Variants in SLC24A2 observed in about 807,000 individuals in gnomAD.
SLC24A2 encodes sodium/potassium/calcium exchanger 2.
Under a neutral mutation model 62.0 loss-of-function variants are expected in SLC24A2, and 36 were observed. That is an observed-to-expected ratio of 0.58 (90% CI 0.44 to 0.77). SLC24A2 has a LOEUF of 0.77. SLC24A2 is among the 30% of genes least tolerant of loss of function. The pLI is 0.00. For missense variants in SLC24A2, 846 were observed against 817.9 expected (o/e 1.03, Z -0.42); for synonymous variants, 358 against 294.0 (o/e 1.22, Z -2.23).
At chr9:19,742,620 G>T (rs1821713551) in intron 2 of SLC24A2, among the ~76,000 whole-genome samples, 1 of 152,066 alleles carries the variant, frequency 6.6e-6, no homozygotes, top group Non-Finnish European at 1.5e-5. Flanking sequence ...TGTATAATAA[G>T]TGGCAAAAGA....
At chr9:20,096,279 CTT>C in the SLC24A2 span, among the ~76,000 whole-genome samples, 1 of 152,116 alleles carries the variant, frequency 6.6e-6, no homozygotes, top group African/African-American at 2.4e-5. Context: ...AAGTGAGTCT[CTT>C]TTTATTTACT....
chr9:20,060,437 A>G, the SLC24A2 span, among the ~76,000 whole-genome samples: 1 of 152,198 alleles, frequency 6.6e-6, no homozygotes, highest in Non-Finnish European at 1.5e-5. Flanking sequence ...ACATATAAAA[A>G]GGATTATTAT....
chr9:19,513,303 G>A lies in SLC24A2; in HGVS notation c.*2850C>T, dbSNP rs1832801172. On this transcript the variant is annotated 3_prime_UTR_variant, in exon 11 of 11. Transcript: ENST00000341998. The stretch of plus-strand genomic sequence containing the variant: ...TATAATTATGCCAATGATTTGAATG[G>A]TTTAAAGACCCATTGTTGAACTCTG... 1 of 151,678 alleles carries A rather than the reference G, an allele frequency of 6.6e-6. No homozygotes were observed. The highest frequency in any genetic ancestry group is 6.6e-5 in the Admixed American group (1 of 15,186). 9.4% of individuals were successfully genotyped at this position (151,678 alleles called of 1,614,324 possible). A position where few individuals can be genotyped will look rare whatever the true frequency, so the allele number is the denominator to read the frequency against.
chr9:19,723,130 T>C (rs951182580), intron 2 of SLC24A2, among the ~76,000 whole-genome samples: 4 of 152,114 alleles, frequency 2.6e-5, no homozygotes, highest in African/African-American at 7.2e-5. Context: ...TGCACATGGA[T>C]CCATTTTAAA....
chr9:20,076,880 TAC>T, the SLC24A2 span, among the ~76,000 whole-genome samples: 17 of 120,554 alleles, frequency 1.4e-4, no homozygotes, highest in South Asian at 5.0e-4. Flanking sequence ...TATATATATA[TAC>T]ATATCATATG....
At chr9:19,528,529 A>G (rs1036817164) in intron 8 of SLC24A2, among the ~76,000 whole-genome samples, 6 of 152,082 alleles carry the variant, frequency 3.9e-5, no homozygotes, top group Admixed American at 2.6e-4. Flanking sequence ...GTTTGTCAGA[A>G]TCAGTTTCTA....
chr9:19,673,500 G>C (rs1267468660), intron 2 of SLC24A2, among the ~76,000 whole-genome samples: 1 of 152,082 alleles, frequency 6.6e-6, no homozygotes, highest in Non-Finnish European at 1.5e-5. Flanking sequence ...TCAGGCTGGA[G>C]TGCAGTGGCA....
At chr9:20,049,300 C>T in the SLC24A2 span, among the ~76,000 whole-genome samples, 1 of 152,160 alleles carries the variant, frequency 6.6e-6, no homozygotes, top group South Asian at 2.1e-4. Flanking sequence ...TGAAAATGTC[C>T]ATATAATTCA....
intron 7 of SLC24A2, among the ~76,000 whole-genome samples, chr9:19,553,153 A>T (rs925626083): frequency 1.3e-5 from 2 of 152,162 alleles, no homozygotes; most frequent in African/African-American, 4.8e-5. Context: ...TTGCCAAGTA[A>T]AGTCTCACTC....
At chr9:20,062,625 G>T in the SLC24A2 span, among the ~76,000 whole-genome samples, 3 of 141,252 alleles carry the variant, frequency 2.1e-5, no homozygotes, top group Non-Finnish European at 4.5e-5. Context: ...GGCAACAAAA[G>T]CCAAAATTGA....
chr9:19,793,606 C>T (rs1168269501), upstream of SLC24A2, among the ~76,000 whole-genome samples: 7 of 152,184 alleles, frequency 4.6e-5, no homozygotes, highest in Non-Finnish European at 1.0e-4. Context: ...AATCTCTTTT[C>T]AATCTCATCA....
chr9:19,587,529 C>T (rs568077778), intron 5 of SLC24A2, among the ~76,000 whole-genome samples: 26 of 152,210 alleles, frequency 1.7e-4, no homozygotes, highest in Middle Eastern at 6.8e-3. Flanking sequence ...TGCTGAGAGT[C>T]CTTAACTAAA....
the SLC24A2 span, among the ~76,000 whole-genome samples, chr9:19,965,779 T>G: frequency 3.9e-5 from 6 of 152,198 alleles, no homozygotes; most frequent in African/African-American, 1.4e-4. Flanking sequence ...CATTGTGACC[T>G]GGGAAAGTCA....
chr9:20,074,316 T>A, the SLC24A2 span, among the ~76,000 whole-genome samples: 1 of 151,960 alleles, frequency 6.6e-6, no homozygotes, highest in African/African-American at 2.4e-5. Context: ...GCACTAATAC[T>A]CTGTTCTCAT....
intron 2 of SLC24A2, among the ~76,000 whole-genome samples, chr9:19,782,975 T>C (rs1241860874): frequency 1.3e-5 from 2 of 152,086 alleles, no homozygotes; most frequent in Admixed American, 6.6e-5. Context: ...TTAAAAAGGG[T>C]AGTAGCATCA....
At chr9:19,562,204 G>T (rs533818954) in intron 7 of SLC24A2, among the ~76,000 whole-genome samples, 2 of 152,178 alleles carry the variant, frequency 1.3e-5, no homozygotes, top group African/African-American at 4.8e-5. Context: ...ATCCATAAGT[G>T]ATTTGCTAAC....
the SLC24A2 span, among the ~76,000 whole-genome samples, chr9:20,222,408 T>C: frequency 1.6e-4 from 25 of 152,216 alleles, no homozygotes; most frequent in South Asian, 1.2e-3. Flanking sequence ...AAGTTTAGTA[T>C]TGACAGTGTT....
At chr9:19,860,262 C>T in the SLC24A2 span, among the ~76,000 whole-genome samples, 1 of 152,162 alleles carries the variant, frequency 6.6e-6, no homozygotes, top group African/African-American at 2.4e-5. Context: ...AGTTCAGCCA[C>T]AGCAGGATAA....
chr9:19,980,085 G>C, the SLC24A2 span, among the ~76,000 whole-genome samples: 2 of 152,172 alleles, frequency 1.3e-5, no homozygotes, highest in Non-Finnish European at 2.9e-5. Context: ...CTTACTTTTT[G>C]GTGGGACTAA....
Sources: gnomAD v4.1 joint callset for allele counts (sites outside exome capture counted in the v4.1 genomes callset) on GRCh38, gnomAD v4.1.1 for gene constraint, MANE v1.5 for transcripts, NCBI Gene and HGNC (gene_info 2026-07-23, HGNC 2026-07-21) for gene names.